Variants in YES1 observed in about 807,000 individuals in gnomAD.
YES1 encodes the protein YES proto-oncogene 1, Src family tyrosine kinase.
In YES1, 39 loss-of-function variants were observed where a neutral mutation model predicts 70.4. The observed-to-expected ratio is 0.55, with a 90% CI of 0.43 to 0.72. YES1 has a LOEUF of 0.72. Among genes scored for constraint, YES1 ranks in the 30% least tolerant of loss-of-function variants. The pLI is 0.00. For missense variants in YES1, 495 were observed against 644.8 expected (o/e 0.77, Z 2.52); for synonymous variants, 198 against 218.6 (o/e 0.91, Z 0.83).
chr18:733,782 C>CAAAAAAAAAAAAAAAAAAAAA (rs71174280), intron 10 of YES1, among the ~76,000 whole-genome samples: 1 of 59,242 alleles, frequency 1.7e-5, no homozygotes, highest in African/African-American at 6.1e-5. Flanking sequence ...GACTCCGTCT[C>CAAAAAAAAAAAAAAAAAAAAA]AAAAAAAAAA....
chr18:766,089 T>A (rs138854609), intron 1 of YES1, among the ~76,000 whole-genome samples: 17 of 152,344 alleles, frequency 1.1e-4, no homozygotes, highest in African/African-American at 4.1e-4. Context: ...CCATTCTTCC[T>A]CTTCTTTGAT....
intron 1 of YES1, among the ~76,000 whole-genome samples, chr18:761,912 C>T (rs138285439): frequency 3.3e-4 from 50 of 152,358 alleles, no homozygotes; most frequent in African/African-American, 1.2e-3. Flanking sequence ...CATGGCTGGG[C>T]ATCGTGGCTC....
At chr18:741,055 GC>G (rs1162787779) in intron 8 of YES1, among the ~76,000 whole-genome samples, 2 of 151,388 alleles carry the variant, frequency 1.3e-5, no homozygotes, top group East Asian at 3.9e-4. Context: ...AAGCCACCAC[GC>G]CCAGCTGTTT....
At chr18:760,468 T>TA (rs1034181802) in intron 1 of YES1, among the ~76,000 whole-genome samples, 7 of 151,696 alleles carry the variant, frequency 4.6e-5, no homozygotes, top group African/African-American at 1.5e-4. Flanking sequence ...AGATTCTGTC[T>TA]AAAAAAAACA....
intron 1 of YES1, among the ~76,000 whole-genome samples, chr18:796,260 A>G (rs2145825962): frequency 6.6e-6 from 1 of 152,292 alleles, no homozygotes; most frequent in South Asian, 2.1e-4. Context: ...CTAGCGTGTA[A>G]TTTGAGTAAA....
chr18:730,974 T>C (rs570727601), intron 11 of YES1, among the ~76,000 whole-genome samples: 3 of 108,572 alleles, frequency 2.8e-5, no homozygotes, highest in African/African-American at 1.1e-4. Flanking sequence ...AAAGGAGTGA[T>C]TATACTGCTT....
upstream of YES1, chr18:812,442 C>T (rs1314151164): frequency 6.6e-6 from 1 of 152,098 alleles, no homozygotes; most frequent in Non-Finnish European, 1.5e-5. Flanking sequence ...GCTCCGGGGC[C>T]CCCAGCCTTC....
chr18:785,374 C>A (rs969260822), intron 1 of YES1, among the ~76,000 whole-genome samples: 1 of 152,158 alleles, frequency 6.6e-6, no homozygotes, highest in Non-Finnish European at 1.5e-5. Context: ...ATATCATCTT[C>A]CCCTTTCTTA....
chr18:727,191 G>A lies in YES1; in HGVS notation c.1424-2559C>T, dbSNP rs1372210191. Among the ~76,000 whole-genome samples the A allele has an allele frequency of 2.0e-5, 3 of 151,912 alleles. No individual in the cohort carries two copies. The East Asian group carries it at 5.8e-4, about 29-fold the overall frequency. Reference sequence around the variant, plus strand: ...GTTACATAGCTCATTTTGGATTTTTGTTTCCCTGTTGAACTGACCCTTTTA... The same window carrying A: ...GTTACATAGCTCATTTTGGATTTTTATTTCCCTGTTGAACTGACCCTTTTA... On this transcript the variant is annotated intron_variant, in intron 11 of 11. Coordinates refer to ENST00000314574, the MANE Select transcript of YES1 (RefSeq NM_005433.4).
chr18:729,772 G>A (rs953037321), intron 11 of YES1, among the ~76,000 whole-genome samples: 8 of 151,776 alleles, frequency 5.3e-5, no homozygotes, highest in East Asian at 1.9e-4. Context: ...GATTACAGGC[G>A]CCCGCCACCA....
chr18:754,957 A>T (rs889998871), intron 2 of YES1, among the ~76,000 whole-genome samples: 1 of 152,188 alleles, frequency 6.6e-6, no homozygotes, highest in African/African-American at 2.4e-5. Context: ...CACTGAGTGT[A>T]CACTGAGTTA....
In YES1 at chr18:723,208, CATT is replaced by C. The variant is rs2079980488; in HGVS notation, c.*1213_*1215del. On this transcript the variant is annotated 3_prime_UTR_variant, in exon 12 of 12. Coordinates refer to ENST00000314574, the MANE Select transcript of YES1 (RefSeq NM_005433.4). ...TGCAATGAATGTGAAGCCATAACTT[CATT>C]ATTTTGAACAAATACCCATTTAGTG... 6.6e-6 allele frequency: 1 copy of C among 152,268 alleles called. No individual in the cohort carries two copies. The highest frequency in any genetic ancestry group is 2.4e-5 in the African/African-American group (1 of 41,460). 9.4% of individuals were successfully genotyped at this position (152,268 alleles called of 1,614,324 possible).
At chr18:803,146 G>A (rs1906912139) in intron 1 of YES1, among the ~76,000 whole-genome samples, 1 of 152,042 alleles carries the variant, frequency 6.6e-6, no homozygotes, top group South Asian at 2.1e-4. Context: ...AAGGTGGGAG[G>A]ATCACTTGAA....
chr18:737,732 TTGAC>T (rs2080169559), intron 9 of YES1, among the ~76,000 whole-genome samples: 1 of 152,200 alleles, frequency 6.6e-6, no homozygotes, highest in Non-Finnish European at 1.5e-5. Flanking sequence ...TTTTGATTGA[TTGAC>T]TGAGACGGGG....
intron 1 of YES1, among the ~76,000 whole-genome samples, chr18:807,329 AT>A (rs1290781733): frequency 7.6e-6 from 1 of 130,958 alleles, no homozygotes; most frequent in Admixed American, 7.7e-5. Flanking sequence ...GTGATACTTC[AT>A]CAAAAAAAAA....
intron 1 of YES1, among the ~76,000 whole-genome samples, chr18:785,799 C>T (rs982525734): frequency 3.3e-5 from 5 of 150,216 alleles, no homozygotes; most frequent in African/African-American, 9.7e-5. Flanking sequence ...AAAAGCCAGG[C>T]GCTGTTGAGC....
At chr18:798,625 T>C (rs1288399846) in intron 1 of YES1, among the ~76,000 whole-genome samples, 1 of 152,200 alleles carries the variant, frequency 6.6e-6, no homozygotes, top group Non-Finnish European at 1.5e-5. Flanking sequence ...CTAATTAGTA[T>C]CTGTTCTCAA....
At chr18:758,402 C>G (rs1478748518) in intron 1 of YES1, among the ~76,000 whole-genome samples, 2 of 152,108 alleles carry the variant, frequency 1.3e-5, no homozygotes, top group Non-Finnish European at 2.9e-5. Flanking sequence ...CAAATTTAAC[C>G]CCAATCTATC....
intron 8 of YES1, among the ~76,000 whole-genome samples, chr18:741,779 G>C (rs2080219555): frequency 6.6e-6 from 1 of 152,176 alleles, no homozygotes; most frequent in Non-Finnish European, 1.5e-5. Context: ...CTGGGGGATA[G>C]AGTGAGGCCC....
Sources: gnomAD v4.1 joint callset for allele counts (sites outside exome capture counted in the v4.1 genomes callset) on GRCh38, gnomAD v4.1.1 for gene constraint, MANE v1.5 for transcripts, NCBI Gene and HGNC (gene_info 2026-07-23, HGNC 2026-07-21) for gene names.